The following NACC2 variants were observed in gnomAD, a reference collection of about 807,000 sequenced individuals.
NACC2 encodes nucleus accumbens-associated protein 2.
Under a neutral mutation model 25.1 loss-of-function variants are expected in NACC2, and 8 were observed. The ratio of observed to expected loss-of-function variants is 0.32; its 90% CI spans 0.19 to 0.57. NACC2 has a LOEUF of 0.57. NACC2 is among the 20% of genes least tolerant of loss of function. The pLI, the probability that NACC2 is intolerant of heterozygous loss-of-function variation, is 0.89. For synonymous variants in NACC2, 435 were observed against 294.7 expected (o/e 1.48, Z -4.88); for missense variants, 644 against 650.2 (o/e 0.99, Z 0.10).
chr9:136,011,947 G>T lies in NACC2; in HGVS notation c.1333C>A (p.Arg445Ser). Reference sequence around the variant, plus strand: ...GGCAGCCAGCGCTTGCGAACGCGGCGGGCGTTGGTGCACATGTCCGCGGCG... The same window carrying T: ...GGCAGCCAGCGCTTGCGAACGCGGCTGGCGTTGGTGCACATGTCCGCGGCG... ...VIAADMCTNA[R>S]RVRKRWLPKI... The change falls in exon 6 of 6, where the codon CGC (arginine) becomes AGC (serine). Residue 445 changes from arginine (R) to serine (S), a missense_variant. Physicochemically the swap from Arg to Ser is moderately radical, Grantham distance 110. Coordinates refer to ENST00000277554, the MANE Select transcript of NACC2 (RefSeq NM_144653.5). 1 of 1,604,708 alleles carries T rather than the reference G, an allele frequency of 6.2e-7. No homozygotes were observed. Among genetic ancestry groups the T allele is most frequent in the Non-Finnish European group, 8.5e-7 (1 of 1,177,236 alleles).
intron 1 of NACC2, among the ~76,000 whole-genome samples, chr9:136,068,902 CAG>C (rs1841118069): frequency 1.4e-5 from 2 of 147,832 alleles, no homozygotes; most frequent in Admixed American, 6.9e-5. Context: ...CATTAAAAGA[CAG>C]AGATTGAAAG....
In NACC2 at chr9:136,013,418, G is replaced by A. The variant is rs1840144639; in HGVS notation, c.1158-122C>T. The stretch of plus-strand genomic sequence containing the variant: ...GGCCTCACCCTTGGCTGGTCTGCGT[G>A]TGTCCCAGTGGCAGGAGCCGGCCCA... On this transcript the variant is annotated intron_variant, in intron 4 of 5. Coordinates refer to ENST00000277554, the MANE Select transcript of NACC2 (RefSeq NM_144653.5). This position sits in a 1 kb window ranked among gnomAD's most constrained non-coding sequence, Gnocchi z 6.6. The A allele has an allele frequency of 1.2e-6, 1 of 813,364 alleles. No homozygotes were observed. The highest frequency in any genetic ancestry group is 2.0e-6 in the Non-Finnish European group (1 of 509,844). 50.4% of individuals were successfully genotyped at this position (813,364 alleles called of 1,614,324 possible).
At chr9:136,044,414 C>T (rs1339331684) in intron 2 of NACC2, among the ~76,000 whole-genome samples, 1 of 152,274 alleles carries the variant, frequency 6.6e-6, no homozygotes, top group African/African-American at 2.4e-5. Flanking sequence ...CCTCGGAAGG[C>T]CTGAGTTGCA....
chr9:136,019,162 G>C lies in NACC2; in HGVS notation c.887-2733C>G, dbSNP rs1045140849. On this transcript the variant is annotated intron_variant, in intron 2 of 5. Coordinates refer to ENST00000277554, the MANE Select transcript of NACC2 (RefSeq NM_144653.5). This position sits in a 1 kb window ranked among gnomAD's most constrained non-coding sequence, Gnocchi z 5.2. ...GCAGCCTCCACCTCCCCGGCCCCCA[G>C]CTCACCCTCTGCAGGAGCTGAGCTT... 6.6e-5 allele frequency: 10 copies of C among 152,282 alleles called. No individual in the cohort carries two copies. The highest frequency in any genetic ancestry group is 1.2e-4 in the Non-Finnish European group (8 of 68,078). The allele number at this position is 152,282 out of a possible 1,614,324, so 9.4% of individuals were successfully genotyped here.
At chr9:136,065,848 A>G (rs1262593421) in intron 1 of NACC2, among the ~76,000 whole-genome samples, 1 of 151,986 alleles carries the variant, frequency 6.6e-6, no homozygotes, top group Non-Finnish European at 1.5e-5. Context: ...ACCCAGATAC[A>G]TTAGACTTCC....
intron 2 of NACC2, among the ~76,000 whole-genome samples, chr9:136,036,246 C>T (rs1840550934): frequency 1.3e-5 from 2 of 152,162 alleles, no homozygotes; most frequent in Non-Finnish European, 2.9e-5. Flanking sequence ...ATGTGCCCAA[C>T]GTCATGACTC....
chr9:136,079,100 C>T (rs1830295196), intron 1 of NACC2, among the ~76,000 whole-genome samples: 1 of 151,614 alleles, frequency 6.6e-6, no homozygotes, highest in Non-Finnish European at 1.5e-5. Context: ...GTTTAGGGCA[C>T]GTAACCTGAA....
At chr9:136,069,535 T>A (rs1342430632) in intron 1 of NACC2, among the ~76,000 whole-genome samples, 2 of 148,882 alleles carry the variant, frequency 1.3e-5, no homozygotes, top group African/African-American at 5.0e-5. Context: ...GGTGAAAGAG[T>A]GAAACTCTGT....
chr9:136,043,913 C>T (rs965735749), intron 2 of NACC2, among the ~76,000 whole-genome samples: 131 of 152,258 alleles, frequency 8.6e-4, no homozygotes, highest in Middle Eastern at 3.4e-3. Context: ...GCAGCCTCTG[C>T]CTCCTTGTTC....
Position 136,013,354 on chromosome 9 carries a change from G to A in NACC2, c.1158-58C>T, listed in dbSNP as rs1374219624. 21 of 1,521,294 alleles carry A rather than the reference G, an allele frequency of 1.4e-5. No homozygotes were observed. Among genetic ancestry groups the A allele is most frequent in the Non-Finnish European group, 1.8e-5 (20 of 1,104,866 alleles). 94.2% of individuals were successfully genotyped at this position (1,521,294 alleles called of 1,614,324 possible). On this transcript the variant is annotated intron_variant, in intron 4 of 5. Coordinates refer to ENST00000277554, the MANE Select transcript of NACC2 (RefSeq NM_144653.5). The surrounding 1 kb of genome is among the most constrained non-coding windows in gnomAD (Gnocchi z 6.6). ...AGGATGATGGGGAGGGTACCTGGAG[G>A]CGACCCGCCCGCACGAATGCCCTGC...
chr9:136,035,041 C>G (rs913986178), intron 2 of NACC2, among the ~76,000 whole-genome samples: 1 of 152,172 alleles, frequency 6.6e-6, no homozygotes, highest in Non-Finnish European at 1.5e-5. Context: ...TTGCAGTGAG[C>G]TGATATCACG....
chr9:136,054,385 G>C (rs1186359911), intron 1 of NACC2, among the ~76,000 whole-genome samples: 2 of 152,232 alleles, frequency 1.3e-5, no homozygotes, highest in Non-Finnish European at 2.9e-5. Context: ...GCACCGGTGA[G>C]GCTGCAGCCC....
intron 1 of NACC2, among the ~76,000 whole-genome samples, chr9:136,051,401 C>T (rs1048708121): frequency 6.6e-5 from 10 of 152,334 alleles, no homozygotes; most frequent in African/African-American, 2.4e-4. Context: ...CCAATCCCGA[C>T]GGCCCGGCCC....
intron 1 of NACC2, among the ~76,000 whole-genome samples, chr9:136,087,800 A>C (rs1830393980): frequency 6.6e-6 from 1 of 152,152 alleles, no homozygotes; most frequent in African/African-American, 2.4e-5. Flanking sequence ...CCAGGACGGC[A>C]CCGGCAAGAT....
Position 136,050,585 on chromosome 9 carries a change from G to A in NACC2, c.-59-5C>T. 5.6e-6 allele frequency: 4 copies of A among 716,232 alleles called. No homozygotes were observed. The highest frequency in any genetic ancestry group is 2.9e-5 in the South Asian group (2 of 68,734). The allele number at this position is 716,232 out of a possible 1,614,324, so 44.4% of individuals were successfully genotyped here. ...GGCGGCCCTAGCGGGGCTCATCTGT[G>A]GGGGGCAGGAGGCACGTGGTCAGTT... is the stretch of plus-strand genomic sequence containing the variant. On this transcript the variant is annotated splice_polypyrimidine_tract_variant and splice_region_variant and intron_variant, in intron 1 of 5. Transcript: ENST00000277554.
rs4842091 is a variant in NACC2, at chr9:136,055,321, A to G, written c.-59-4741T>C. ...GGATTCACACAAGGACACAGGTTACAAGGTTGGTGCCAGGCCAGGGCACCT... is the reference window on the plus strand; with the variant it reads ...GGATTCACACAAGGACACAGGTTACGAGGTTGGTGCCAGGCCAGGGCACCT... On this transcript the variant is annotated intron_variant, in intron 1 of 5. Transcript: ENST00000277554. This position sits in a 1 kb window ranked among gnomAD's most constrained non-coding sequence, Gnocchi z 4.9. Among the ~76,000 whole-genome samples the G allele has an allele frequency of 0.22, 33,735 of 152,116 alleles. 4,308 individuals are homozygous for G. Among genetic ancestry groups the G allele is most frequent in the East Asian group, 0.41 (2,116 of 5,148 alleles).
At chr9:136,079,118 C>CA (rs1830295445) in intron 1 of NACC2, among the ~76,000 whole-genome samples, 4 of 151,748 alleles carry the variant, frequency 2.6e-5, no homozygotes, top group Non-Finnish European at 5.9e-5. Context: ...GAAATCTACT[C>CA]ACGTATGTCT....
chr9:136,068,155 T>C (rs1170910562), intron 1 of NACC2, among the ~76,000 whole-genome samples: 3 of 152,152 alleles, frequency 2.0e-5, no homozygotes, highest in Non-Finnish European at 4.4e-5. Flanking sequence ...TACTAAAGAC[T>C]GTATAAACAC....
chr9:136,016,163 G>A (rs1253760116), intron 3 of NACC2, 102 bp downstream of exon 3: 2 of 1,261,802 alleles, frequency 1.6e-6, no homozygotes, highest in Non-Finnish European at 2.2e-6. Flanking sequence ...TTTTTTTTTT[G>A]ACTGATTGGT....
Sources: gnomAD v4.1 joint callset for allele counts (sites outside exome capture counted in the v4.1 genomes callset) on GRCh38, gnomAD v4.1.1 for gene constraint, Gnocchi (gnomAD v3.1) non-coding constraint, MANE v1.5 for transcripts, NCBI Gene and HGNC (gene_info 2026-07-23, HGNC 2026-07-21) for gene names.